Variants in SHISA6 observed in about 807,000 individuals in gnomAD.
SHISA6 encodes the protein protein shisa-6.
In SHISA6, 22 loss-of-function variants were observed where a neutral mutation model predicts 47.9. The observed-to-expected ratio is 0.46, with a 90% confidence interval of 0.33 to 0.66. The LOEUF is 0.66. SHISA6 is among the 30% of genes least tolerant of loss of function. The pLI is 0.02. For synonymous variants in SHISA6, 388 were observed against 337.8 expected (o/e 1.15, Z -1.63); for missense variants, 680 against 764.6 (o/e 0.89, Z 1.30).
At chr17:11,307,802 A>T (rs1048302807) in intron 2 of SHISA6, among the ~76,000 whole-genome samples, 5 of 152,204 alleles carry the variant, frequency 3.3e-5, no homozygotes, top group Non-Finnish European at 7.3e-5. Context: ...GGAGAAAAAT[A>T]ATGTGAGTAA....
chr17:11,351,185 A>G (rs1300245534), intron 2 of SHISA6, among the ~76,000 whole-genome samples: 1 of 152,128 alleles, frequency 6.6e-6, no homozygotes, highest in African/African-American at 2.4e-5. Context: ...AGAAATGTGT[A>G]AGGCATGCGG....
chr17:11,533,587 A>ATTTTTTTTTTTT (rs3038696), intron 3 of SHISA6, among the ~76,000 whole-genome samples: 1 of 94,998 alleles, frequency 1.1e-5, no homozygotes, highest in Non-Finnish European at 2.0e-5. Flanking sequence ...CCCTTTCATT[A>ATTTTTTTTTTTT]TTTTTTTTTT....
intron 2 of SHISA6, among the ~76,000 whole-genome samples, chr17:11,311,106 CAAAAAAAAAAAAAAAA>C (rs71139101): frequency 2.1e-5 from 1 of 48,580 alleles, no homozygotes; most frequent in Non-Finnish European, 3.7e-5. Context: ...GACTCCATCT[CAAAAAAAAAAAAAAAA>C]AAAAAAAAAA....
At chr17:11,302,858 A>C (rs148906962) in intron 2 of SHISA6, among the ~76,000 whole-genome samples, 43 of 149,592 alleles carry the variant, frequency 2.9e-4, no homozygotes, top group Middle Eastern at 3.4e-3. Flanking sequence ...GCAGAGAGTC[A>C]TCCAGGTGGA....
intron 2 of SHISA6, among the ~76,000 whole-genome samples, chr17:11,266,981 T>C (rs1379102256): frequency 6.6e-6 from 1 of 152,230 alleles, no homozygotes. Context: ...ACAAGTACCA[T>C]AGATTGAGAA....
intron 1 of SHISA6, among the ~76,000 whole-genome samples, chr17:11,251,195 C>G (rs1017645983): frequency 6.6e-6 from 1 of 152,014 alleles, no homozygotes; most frequent in African/African-American, 2.4e-5. Flanking sequence ...ACCTACCTTC[C>G]CATGCCCTGG....
rs570079906 is a variant in SHISA6 at position 11,527,733 on chromosome 17, G to C, written c.896-24163G>C. 2.0e-5 allele frequency among the ~76,000 whole-genome samples: 3 copies of C among 152,048 alleles called. No individual in the cohort carries two copies. The South Asian group carries it at 6.2e-4, about 32-fold the overall frequency. On this transcript the variant is annotated intron_variant, in intron 3 of 5. Transcript: ENST00000441885. ...TATGTATCATCTACGATTCTAGAAT[G>C]GTAGAATTAAGTAGTTACAAGAGAG...
chr17:11,404,985 C>A (rs1913901438), intron 3 of SHISA6, among the ~76,000 whole-genome samples: 1 of 152,080 alleles, frequency 6.6e-6, no homozygotes, highest in South Asian at 2.1e-4. Context: ...GCAATCTTAC[C>A]CAAAATCCCT....
intron 3 of SHISA6, among the ~76,000 whole-genome samples, chr17:11,398,691 C>G (rs2142262238): frequency 6.6e-6 from 1 of 152,158 alleles, no homozygotes; most frequent in East Asian, 1.9e-4. Context: ...CTCCCGGGTT[C>G]AAGCAAATCT....
At chr17:11,331,593 A>C (rs189355947) in intron 2 of SHISA6, among the ~76,000 whole-genome samples, 78 of 152,234 alleles carry the variant, frequency 5.1e-4, no homozygotes, top group African/African-American at 1.7e-3. Flanking sequence ...CATTAAACCA[A>C]ATGCATGGTT....
chr17:11,316,348 T>A (rs1259478381), intron 2 of SHISA6, among the ~76,000 whole-genome samples: 1 of 104,886 alleles, frequency 9.5e-6, no homozygotes, highest in Non-Finnish European at 2.2e-5. Context: ...TTTTTTTTTG[T>A]ATTCAATGGG....
At chr17:11,277,280 T>TCTCTCTCTCTCTCTCTCTCTCTCACACA (rs1386997909) in intron 2 of SHISA6, among the ~76,000 whole-genome samples, 2 of 53,922 alleles carry the variant, frequency 3.7e-5, no homozygotes, top group African/African-American at 1.4e-4. Context: ...TCTCTCTCTC[T>TCTCTCTCTCTCTCTCTCTCTCTCACACA]CACACACACA....
In SHISA6 at chr17:11,558,969, C is replaced by T. The variant is rs1280708067; in HGVS notation, c.*665C>T. 6.5e-6 allele frequency: 1 copy of T among 153,074 alleles called. No homozygotes were observed. 9.5% of individuals were successfully genotyped at this position (153,074 alleles called of 1,614,324 possible). Reference sequence around the variant, plus strand: ...GTGCCCCTCCCCTCAACTCCAGGACCAGGAGGGGTTCCCTTCCTTCAGCTG... The same window carrying T: ...GTGCCCCTCCCCTCAACTCCAGGACTAGGAGGGGTTCCCTTCCTTCAGCTG... On this transcript the variant is annotated 3_prime_UTR_variant, in exon 6 of 6. Transcript: ENST00000441885.
At chr17:11,550,118 G>A (rs905720418) in intron 3 of SHISA6, among the ~76,000 whole-genome samples, 1 of 151,618 alleles carries the variant, frequency 6.6e-6, no homozygotes, top group Non-Finnish European at 1.5e-5. Context: ...GCAGTGGCGC[G>A]ATCTCGGCTC....
Position 11,433,527 on chromosome 17 carries a change from GTGCCATAATAAACATACA to G in SHISA6, c.895+54021_895+54038del, listed in dbSNP as rs555368850. Reference sequence around the variant, plus strand: ...TTCCAAGTCTTTGCTATTGTGAACAGTGCCATAATAAACATACATGTGTGTGTTCAACCATTGTGGAAG... The same window carrying G: ...TTCCAAGTCTTTGCTATTGTGAACAGTGTGTGTGTTCAACCATTGTGGAAG... On this transcript the variant is annotated intron_variant, in intron 3 of 5. Coordinates refer to ENST00000441885, the MANE Select transcript of SHISA6 (RefSeq NM_207386.4). Among the ~76,000 whole-genome samples the G allele has an allele frequency of 2.3e-3, 343 of 152,298 alleles. 1 individual carries two copies. The highest frequency in any genetic ancestry group is 6.8e-3 in the Middle Eastern group (2 of 294).
chr17:11,533,587 A>ATT (rs3038696), intron 3 of SHISA6, among the ~76,000 whole-genome samples: 19,841 of 94,522 alleles, frequency 0.21, 2,576 homozygotes, highest in South Asian at 0.32. Context: ...CCCTTTCATT[A>ATT]TTTTTTTTTT....
intron 3 of SHISA6, among the ~76,000 whole-genome samples, chr17:11,551,058 T>A (rs563053341): frequency 8.2e-4 from 125 of 152,350 alleles, no homozygotes; most frequent in African/African-American, 3.0e-3. Flanking sequence ...AGCAAAGGCC[T>A]CATGCCTCCT....
At chr17:11,537,951 G>A (rs2071801629) in intron 3 of SHISA6, among the ~76,000 whole-genome samples, 1 of 152,232 alleles carries the variant, frequency 6.6e-6, no homozygotes, top group Admixed American at 6.5e-5. Flanking sequence ...CACCAAAAAT[G>A]AATGACAGTG....
intron 3 of SHISA6, among the ~76,000 whole-genome samples, chr17:11,543,802 C>T (rs952427707): frequency 6.6e-6 from 1 of 150,864 alleles, no homozygotes; most frequent in African/African-American, 2.4e-5. Context: ...AGAAATAGGC[C>T]CATGCAAATA....
Sources: gnomAD v4.1 joint callset for allele counts (sites outside exome capture counted in the v4.1 genomes callset) on GRCh38, gnomAD v4.1.1 for gene constraint, MANE v1.5 for transcripts, NCBI Gene and HGNC (gene_info 2026-07-23, HGNC 2026-07-21) for gene names.